Variants in CMC2 observed in about 807,000 individuals in gnomAD.
CMC2 encodes the protein C-X9-C motif containing 2, also known as COX assembly mitochondrial protein 2 homolog.
CMC2 carries 5 observed loss-of-function variants against 7.5 expected under a neutral mutation model. The ratio of observed to expected loss-of-function variants is 0.66; its 90% CI spans 0.35 to 1.40. The LOEUF is 1.40. Ranked by LOEUF, CMC2 falls within the 40% of genes most tolerant of loss-of-function variation. The probability of loss-of-function intolerance (pLI) is 0.04; values close to 1 mark genes in which losing one functional copy is unlikely to be tolerated. For synonymous variants in CMC2, 37 were observed against 31.4 expected, an observed-to-expected ratio of 1.18 and a Z score of -0.60; for missense variants, 115 against 92.3, an observed-to-expected ratio of 1.25 and a Z score of -1.01.
In CMC2 at chr16:81,006,752, G is replaced by A; in HGVS notation, c.-54C>T. 3.0e-6 allele frequency: 3 copies of A among 985,656 alleles called. No homozygotes were observed. Among genetic ancestry groups the A allele is most frequent in the Non-Finnish European group, 2.4e-6 (2 of 830,152 alleles). The allele number at this position is 985,656 out of a possible 1,614,324, so 61.1% of individuals were successfully genotyped here. On this transcript the variant is annotated 5_prime_UTR_variant, in exon 1 of 4. Transcript: ENST00000219400. ...GACTCACCCGACTCGTGGCCACACC[G>A]GGAGAACTGAAGCGGCAGTAGCCGG... is the stretch of plus-strand genomic sequence containing the variant.
At position 80,975,942 on chromosome 16, in the gene CMC2, C is replaced by G; in HGVS notation, c.*151G>C. On this transcript the variant is annotated 3_prime_UTR_variant, in exon 4 of 4. Transcript: ENST00000219400. ...GCCCTGCCCAACAAATACTCAGAAT[C>G]CAGGGTTTTCATATTTCTCCATGGT... is the stretch of plus-strand genomic sequence containing the variant. 1.6e-6 allele frequency: 1 copy of G among 611,688 alleles called. No homozygotes were observed. The highest frequency in any genetic ancestry group is 2.9e-6 in the Non-Finnish European group (1 of 346,304). The allele number at this position is 611,688 out of a possible 1,614,324, so 37.9% of individuals were successfully genotyped here.
At chr16:80,985,104 C>G (rs530300836) in intron 2 of CMC2, among the ~76,000 whole-genome samples, 1 of 152,280 alleles carries the variant, frequency 6.6e-6, no homozygotes, top group African/African-American at 2.4e-5. Context: ...GGATCTGGGT[C>G]CTACTCTCAC....
chr16:80,972,077 CCCACAGGCCTCTAGCCCAGG>C lies in CMC2; in HGVS notation c.*3996_*4015del, dbSNP rs1911970096. 2 of 152,174 alleles carry C rather than the reference CCCACAGGCCTCTAGCCCAGG, an allele frequency of 1.3e-5. No individual in the cohort carries two copies. The highest frequency in any genetic ancestry group is 2.4e-5 in the African/African-American group (1 of 41,430). 9.4% of individuals were successfully genotyped at this position (152,174 alleles called of 1,614,324 possible). A position where few individuals can be genotyped will look rare whatever the true frequency, so the allele number is the denominator to read the frequency against. ...CTAGAGCTTAGAGGACAGAAATGGCCCCACAGGCCTCTAGCCCAGGCCACCTGCTCCATCTGATACCAGAG... is the reference window on the plus strand; with the variant it reads ...CTAGAGCTTAGAGGACAGAAATGGCCCCACCTGCTCCATCTGATACCAGAG... On this transcript the variant is annotated 3_prime_UTR_variant, in exon 4 of 4. Coordinates refer to ENST00000219400, the MANE Select transcript of CMC2 (RefSeq NM_020188.5).
At position 80,972,369 on chromosome 16, in the gene CMC2, GTTTT is replaced by G. The variant is rs201835419; in HGVS notation, c.*3720_*3723del. 2 of 151,560 alleles carry G rather than the reference GTTTT, an allele frequency of 1.3e-5. No homozygotes were observed. The highest frequency in any genetic ancestry group is 4.9e-5 in the African/African-American group (2 of 41,200). The allele number at this position is 151,560 out of a possible 1,614,324, so 9.4% of individuals were successfully genotyped here. ...GGACAGTGAGGATTTTTTGTTTTTC[GTTTT>G]TTTTGTTTTTTTCTAAGAACAGAAT... On this transcript the variant is annotated 3_prime_UTR_variant, in exon 4 of 4. Coordinates refer to ENST00000219400, the MANE Select transcript of CMC2 (RefSeq NM_020188.5).
At chr16:81,001,743 T>A (rs1968883441) in intron 1 of CMC2, among the ~76,000 whole-genome samples, 1 of 152,118 alleles carries the variant, frequency 6.6e-6, no homozygotes, top group African/African-American at 2.4e-5. Flanking sequence ...AACAAAAAAC[T>A]GTCTGAACAA....
rs933703381 is a variant in CMC2, at chr16:80,971,384, C to A, written c.*4709G>T. On this transcript the variant is annotated 3_prime_UTR_variant, in exon 4 of 4. Transcript: ENST00000219400. ...ATACATAAACCGTGGTATAGGCCTA[C>A]AACAAAATGCTATATAGCAGGCAAA... 8.0e-5 allele frequency: 12 copies of A among 150,222 alleles called. No individual in the cohort carries two copies. The highest frequency in any genetic ancestry group is 2.2e-4 in the African/African-American group (9 of 40,710). The allele number at this position is 150,222 out of a possible 1,614,324, so 9.3% of individuals were successfully genotyped here.
intron 3 of CMC2, among the ~76,000 whole-genome samples, chr16:80,979,122 C>A (rs1239241464): frequency 6.6e-6 from 1 of 151,928 alleles, no homozygotes; most frequent in African/African-American, 2.4e-5. Flanking sequence ...ATGAAGTAAT[C>A]AGATGACATA....
intron 3 of CMC2, 62 bp downstream of exon 3, chr16:80,981,744 C>A (rs1464117268): frequency 6.4e-6 from 7 of 1,091,422 alleles, no homozygotes; most frequent in Admixed American, 2.2e-5. Context: ...CAGTAATACA[C>A]AATATTCAAA....
intron 1 of CMC2, among the ~76,000 whole-genome samples, chr16:81,000,856 A>T (rs913878513): frequency 6.6e-6 from 1 of 152,256 alleles, no homozygotes; most frequent in Non-Finnish European, 1.5e-5. Flanking sequence ...ATATAGCCAA[A>T]AGAAAATAAA....
At chr16:80,977,901 G>A (rs1202061690) in intron 3 of CMC2, among the ~76,000 whole-genome samples, 3 of 152,000 alleles carry the variant, frequency 2.0e-5, no homozygotes, top group Non-Finnish European at 2.9e-5. Flanking sequence ...GTGAAACCCC[G>A]TCTCTACTGA....
chr16:81,002,240 C>T (rs1463050114), intron 1 of CMC2, among the ~76,000 whole-genome samples: 1 of 152,146 alleles, frequency 6.6e-6, no homozygotes, highest in East Asian at 1.9e-4. Context: ...ACCTGGCCAA[C>T]ATGCCGAAAC....
chr16:80,999,059 A>G (rs954174437), intron 1 of CMC2: 2 of 152,082 alleles, frequency 1.3e-5, no homozygotes, highest in African/African-American at 2.4e-5. Flanking sequence ...CGCTCTCACC[A>G]CTCCTATTCA....
intron 3 of CMC2, among the ~76,000 whole-genome samples, chr16:80,978,026 C>T (rs1208310072): frequency 2.0e-5 from 3 of 149,492 alleles, no homozygotes; most frequent in South Asian, 2.1e-4. Flanking sequence ...GAGCCGAGAT[C>T]GCACCACAGC....
intron 2 of CMC2, among the ~76,000 whole-genome samples, chr16:80,995,320 T>C (rs1028611193): frequency 1.3e-5 from 2 of 152,162 alleles, no homozygotes; most frequent in African/African-American, 4.8e-5. Flanking sequence ...TGCAACAGCA[T>C]GTTATGACCC....
chr16:81,006,585 C>T, intron 1 of CMC2, 149 bp downstream of exon 1: 1 of 483,938 alleles, frequency 2.1e-6, no homozygotes, highest in Non-Finnish European at 2.7e-6. Context: ...CGCAGCAGCC[C>T]GGCTGTGGGC....
At chr16:80,998,948 A>AAAG (rs1968637281) in intron 1 of CMC2, 1 of 151,596 alleles carries the variant, frequency 6.6e-6, no homozygotes, top group Non-Finnish European at 1.5e-5. Context: ...ACATACCTCA[A>AAAG]AATAAGAGCC....
Position 80,972,730 on chromosome 16 carries a change from T to C in CMC2, c.*3363A>G, listed in dbSNP as rs1567499370. The C allele has an allele frequency of 6.6e-6, 1 of 152,246 alleles. No individual in the cohort carries two copies. Among genetic ancestry groups the C allele is most frequent in the Non-Finnish European group, 1.5e-5 (1 of 68,054 alleles). 9.4% of individuals were successfully genotyped at this position (152,246 alleles called of 1,614,324 possible). ...ATGACCCAAAAGTTTACTTATCGTC[T>C]GCAAGTCCACAGTAAGGAAATCTCT... On this transcript the variant is annotated 3_prime_UTR_variant, in exon 4 of 4. Coordinates refer to ENST00000219400, the MANE Select transcript of CMC2 (RefSeq NM_020188.5).
chr16:80,991,730 AG>A, intron 2 of CMC2: 1 of 318,032 alleles, frequency 3.1e-6, no homozygotes. Context: ...TGTAGTATGC[AG>A]CCTTGATGAA....
intron 3 of CMC2, among the ~76,000 whole-genome samples, chr16:80,978,948 G>A (rs1278430999): frequency 6.6e-6 from 1 of 152,118 alleles, no homozygotes; most frequent in Non-Finnish European, 1.5e-5. Flanking sequence ...GGGCGTGGTG[G>A]TGGGCACCTG....
Sources: gnomAD v4.1 joint callset for allele counts (sites outside exome capture counted in the v4.1 genomes callset) on GRCh38, gnomAD v4.1.1 for gene constraint, MANE v1.5 for transcripts, NCBI Gene and HGNC (gene_info 2026-07-23, HGNC 2026-07-21) for gene names.